The following BICD1 variants were observed in gnomAD, a reference collection of about 807,000 sequenced individuals.
BICD1 encodes the protein protein bicaudal D homolog 1.
Under a neutral mutation model 92.5 loss-of-function variants are expected in BICD1, and 35 were observed. That is an observed-to-expected ratio of 0.38 (90% CI 0.29 to 0.50). The LOEUF (loss-of-function observed/expected upper bound fraction) is 0.50, where lower values mean the gene tolerates loss of function less well. Ranked by LOEUF, BICD1 falls within the 20% of genes least tolerant of loss-of-function variation. The pLI, the probability that BICD1 is intolerant of heterozygous loss-of-function variation, is 0.93. For synonymous variants in BICD1, 429 were observed against 465.1 expected (o/e 0.92, Z 1.00); for missense variants, 950 against 1,189.8 (o/e 0.80, Z 2.97).
At chr12:32,315,480 C>A (rs1237702977) in intron 4 of BICD1, among the ~76,000 whole-genome samples, 1 of 152,028 alleles carries the variant, frequency 6.6e-6, no homozygotes, top group Non-Finnish European at 1.5e-5. Flanking sequence ...AATTTTATGA[C>A]CATCTTGTCA....
Position 32,210,148 on chromosome 12 carries a change from A to G in BICD1, c.214-6099A>G, listed in dbSNP as rs192329549. Among the ~76,000 whole-genome samples the G allele has an allele frequency of 5.3e-3, 812 of 152,162 alleles. 4 individuals carry two copies. The highest frequency in any genetic ancestry group is 9.0e-3 in the Non-Finnish European group (609 of 67,996). On this transcript the variant is annotated intron_variant, in intron 1 of 9. Transcript: ENST00000652176. ...TTTTTTTTTTTTGTTTTCCCAGAAC[A>G]TAGCTGAATCCTCAGTGCCTAAAGC... is the stretch of plus-strand genomic sequence containing the variant.
At chr12:32,177,952 G>C (rs1035175686) in intron 1 of BICD1, among the ~76,000 whole-genome samples, 5 of 151,160 alleles carry the variant, frequency 3.3e-5, no homozygotes, top group Non-Finnish European at 7.4e-5. Flanking sequence ...TTCAAATTCA[G>C]ATTGCAAAGC....
intron 1 of BICD1, among the ~76,000 whole-genome samples, chr12:32,119,994 A>G (rs145194798): frequency 6.6e-6 from 1 of 152,366 alleles, no homozygotes; most frequent in African/African-American, 2.4e-5. Context: ...TCCTGAAAAC[A>G]GAAAATATCA....
chr12:32,367,858 A>C, intron 9 of BICD1, 113 bp downstream of exon 9: 1 of 979,900 alleles, frequency 1.0e-6, no homozygotes, highest in Non-Finnish European at 1.6e-6. Flanking sequence ...GCTGTATTTT[A>C]TTTCAAGTGT....
rs1202934870 is a variant in BICD1, at chr12:32,377,751, G to A, written c.*124G>A. ...ATGTACAATTGGATTAATGTCCATC[G>A]TTTTGGAAGACGAGAGAAAGTTGAG... On this transcript the variant is annotated 3_prime_UTR_variant, in exon 10 of 10. Transcript: ENST00000652176. 1.2e-5 allele frequency: 10 copies of A among 828,256 alleles called. No individual in the cohort carries two copies. Among genetic ancestry groups the A allele is most frequent in the African/African-American group, 3.4e-5 (2 of 58,654 alleles). 51.3% of individuals were successfully genotyped at this position (828,256 alleles called of 1,614,324 possible). A position where few individuals can be genotyped will look rare whatever the true frequency, so the allele number is the denominator to read the frequency against.
At chr12:32,134,878 A>G (rs1224259261) in intron 1 of BICD1, among the ~76,000 whole-genome samples, 1 of 152,154 alleles carries the variant, frequency 6.6e-6, no homozygotes, top group African/African-American at 2.4e-5. Context: ...GTGATTGATA[A>G]ACATTTTGAT....
chr12:32,137,189 A>G (rs1942761699), intron 1 of BICD1, among the ~76,000 whole-genome samples: 1 of 152,142 alleles, frequency 6.6e-6, no homozygotes, highest in Admixed American at 6.5e-5. Context: ...CCTGGGTTCA[A>G]GAAATTCTTG....
chr12:32,363,722 G>A (rs556458684), intron 8 of BICD1, among the ~76,000 whole-genome samples: 30 of 152,112 alleles, frequency 2.0e-4, no homozygotes, highest in Non-Finnish European at 2.4e-4. Context: ...ATTAACTTCC[G>A]CTGTGAGGTC....
Position 32,327,894 on chromosome 12 carries a change from T to C in BICD1, c.1439T>C (p.Met480Thr). The C allele has an allele frequency of 6.2e-7, 1 of 1,614,146 alleles. No individual in the cohort carries two copies. Among genetic ancestry groups the C allele is most frequent in the Non-Finnish European group, 8.5e-7 (1 of 1,180,024 alleles). Residue 480 changes from methionine (M) to threonine (T), a missense_variant, in exon 5 of 10, where the codon ATG becomes ACG. Transcript: ENST00000652176. Reference sequence around the variant, plus strand: ...ACCACCAAGGAGAGTGGTGAGAAGATGGCCCACATGGAGAAGGAGTTGCAA... The same window carrying C: ...ACCACCAAGGAGAGTGGTGAGAAGACGGCCCACATGGAGAAGGAGTTGCAA... The part of the protein sequence containing the change: ...EKTTKESGEK[M>T]AHMEKELQKM...
At chr12:32,315,908 C>G (rs7956708) in intron 4 of BICD1, among the ~76,000 whole-genome samples, 6,999 of 151,698 alleles carry the variant, frequency 0.046, 522 homozygotes, top group African/African-American at 0.16. Context: ...GGCTGAGATG[C>G]GTGGATCATC....
At chr12:32,247,351 C>T (rs955450837) in intron 2 of BICD1, among the ~76,000 whole-genome samples, 1 of 151,918 alleles carries the variant, frequency 6.6e-6, no homozygotes, top group Non-Finnish European at 1.5e-5. Context: ...ATTTGGGAGT[C>T]ATCAGTGAAT....
At chr12:32,295,851 C>T (rs1482162391) in intron 3 of BICD1, among the ~76,000 whole-genome samples, 1 of 152,006 alleles carries the variant, frequency 6.6e-6, no homozygotes, top group African/African-American at 2.4e-5. Flanking sequence ...CAGGGTTGTA[C>T]CATGTTGGCC....
intron 4 of BICD1, among the ~76,000 whole-genome samples, chr12:32,314,669 T>C (rs950230275): frequency 6.6e-6 from 1 of 152,214 alleles, no homozygotes; most frequent in African/African-American, 2.4e-5. Context: ...AAATCCCTCA[T>C]CATAAAAGTG....
intron 4 of BICD1, among the ~76,000 whole-genome samples, chr12:32,306,485 C>T (rs1233360602): frequency 6.6e-6 from 1 of 151,946 alleles, no homozygotes; most frequent in African/African-American, 2.4e-5. Flanking sequence ...ACTTCGTGAT[C>T]CGCCCGCCTT....
At chr12:32,376,790 C>T (rs1232345715) in intron 9 of BICD1, among the ~76,000 whole-genome samples, 1 of 147,702 alleles carries the variant, frequency 6.8e-6, no homozygotes, top group Non-Finnish European at 1.5e-5. Flanking sequence ...ATCGCTTGAA[C>T]TCGGGAGGCG....
intron 1 of BICD1, among the ~76,000 whole-genome samples, chr12:32,131,772 AACGCTTGGTAT>A (rs1942553641): frequency 6.6e-6 from 1 of 152,240 alleles, no homozygotes; most frequent in African/African-American, 2.4e-5. Flanking sequence ...CTGATGACTA[AACGCTTGGTAT>A]ACCCCAGCCA....
chr12:32,130,222 T>G (rs2121293046), intron 1 of BICD1, among the ~76,000 whole-genome samples: 1 of 152,092 alleles, frequency 6.6e-6, no homozygotes, highest in South Asian at 2.1e-4. Context: ...TTTTTTTTTT[T>G]GAGATGGAGT....
chr12:32,131,803 G>A (rs537618995), intron 1 of BICD1, among the ~76,000 whole-genome samples: 17 of 152,320 alleles, frequency 1.1e-4, no homozygotes, highest in African/African-American at 3.8e-4. Flanking sequence ...ATTGTTAGGT[G>A]CCAGGGTACA....
At chr12:32,183,767 G>A (rs1163846490) in intron 1 of BICD1, among the ~76,000 whole-genome samples, 23 of 152,182 alleles carry the variant, frequency 1.5e-4, no homozygotes, top group Admixed American at 1.5e-3. Flanking sequence ...ATCCAGGAAG[G>A]CCAACTGGGA....
Sources: gnomAD v4.1 joint callset for allele counts (sites outside exome capture counted in the v4.1 genomes callset) on GRCh38, gnomAD v4.1.1 for gene constraint, MANE v1.5 for transcripts, NCBI Gene and HGNC (gene_info 2026-07-23, HGNC 2026-07-21) for gene names.